Variants in DCUN1D4 observed in about 807,000 individuals in gnomAD.
DCUN1D4 encodes the protein defective in cullin neddylation 1 domain containing 4.
In DCUN1D4, 22 loss-of-function variants were observed where a neutral mutation model predicts 47.9. The ratio of observed to expected loss-of-function variants is 0.46; its 90% CI spans 0.33 to 0.66. The LOEUF (loss-of-function observed/expected upper bound fraction) is 0.66. Among genes scored for constraint, DCUN1D4 ranks in the 30% least tolerant of loss-of-function variants. The probability of loss-of-function intolerance (pLI) is 0.02; values close to 1 mark genes in which losing one functional copy is unlikely to be tolerated. For missense variants in DCUN1D4, 301 were observed against 340.8 expected, an observed-to-expected ratio of 0.88 and a Z score of 0.92; for synonymous variants, 121 against 112.2, an observed-to-expected ratio of 1.08 and a Z score of -0.50.
intron 1 of DCUN1D4, among the ~76,000 whole-genome samples, chr4:51,856,453 T>G (rs555070183): frequency 6.6e-6 from 1 of 152,346 alleles, no homozygotes; most frequent in South Asian, 2.1e-4. Flanking sequence ...TCAGCCAGTT[T>G]TAAAATTTTT....
At chr4:51,863,830 C>A in intron 3 of DCUN1D4, 121 bp downstream of exon 3, 1 of 1,080,816 alleles carries the variant, frequency 9.3e-7, no homozygotes, top group Non-Finnish European at 1.3e-6. Context: ...TGTTCCTTGG[C>A]TGAGGTTGTT....
rs1272855301 is a variant in DCUN1D4 at position 51,915,189 on chromosome 4, A to G, written c.*1605A>G. On this transcript the variant is annotated 3_prime_UTR_variant, in exon 11 of 11. Coordinates refer to ENST00000334635, the MANE Select transcript of DCUN1D4 (RefSeq NM_001040402.3). ...CTTTGCAAACAGTGTTCACATTTTC[A>G]TATTTTTTCCCTAACTAAACCACCA... The G allele has an allele frequency of 6.6e-6, 1 of 152,560 alleles. No individual in the cohort carries two copies. Among genetic ancestry groups the G allele is most frequent in the Non-Finnish European group, 1.5e-5 (1 of 68,008 alleles). 9.5% of individuals were successfully genotyped at this position (152,560 alleles called of 1,614,324 possible).
chr4:51,845,309 A>G, intron 1 of DCUN1D4: 1 of 982,474 alleles, frequency 1.0e-6, no homozygotes, highest in Non-Finnish European at 1.2e-6. Flanking sequence ...GTTTGAAAAA[A>G]TAACTGTCTT....
intron 3 of DCUN1D4, among the ~76,000 whole-genome samples, chr4:51,866,889 T>A (rs1726024550): frequency 6.6e-6 from 1 of 152,198 alleles, no homozygotes; most frequent in Non-Finnish European, 1.5e-5. Flanking sequence ...TGGTGGCACC[T>A]TCTGCCTGAG....
At chr4:51,898,021 A>G (rs1731529577) in intron 7 of DCUN1D4, among the ~76,000 whole-genome samples, 4 of 152,260 alleles carry the variant, frequency 2.6e-5, no homozygotes, top group African/African-American at 9.6e-5. Context: ...TCAGGCAGGT[A>G]TCACCAATGG....
At chr4:51,903,829 T>G (rs1732471849) in intron 8 of DCUN1D4, among the ~76,000 whole-genome samples, 1 of 152,232 alleles carries the variant, frequency 6.6e-6, no homozygotes, top group African/African-American at 2.4e-5. Context: ...AAAAGTTCCA[T>G]TTGGGTCTTG....
rs533881481 is a variant in DCUN1D4, at chr4:51,881,684, A to G, written c.343+3830A>G. On this transcript the variant is annotated intron_variant, in intron 5 of 10. Transcript: ENST00000334635. Reference sequence around the variant, plus strand: ...TTAAAAAAAAAAAAAAAAACAAGAAAAAAAAAACCTCTCTGTCTCAAACTT... The same window carrying G: ...TTAAAAAAAAAAAAAAAAACAAGAAGAAAAAAACCTCTCTGTCTCAAACTT... Among the ~76,000 whole-genome samples, 9 of 151,948 alleles carry G rather than the reference A, an allele frequency of 5.9e-5. No individual in the cohort carries two copies. In the East Asian group the frequency reaches 1.2e-3, roughly 20 times the overall value.
chr4:51,851,656 A>G (rs912916863), intron 1 of DCUN1D4, among the ~76,000 whole-genome samples: 4 of 152,112 alleles, frequency 2.6e-5, no homozygotes, highest in African/African-American at 7.2e-5. Context: ...GAGAAGTCCC[A>G]GGTGGGGCAC....
At chr4:51,835,760 G>A in the DCUN1D4 span, among the ~76,000 whole-genome samples, 1 of 152,160 alleles carries the variant, frequency 6.6e-6, no homozygotes, top group Admixed American at 6.5e-5. Context: ...GGAAGACTGT[G>A]GGTGGGGGTA....
At chr4:51,852,414 T>G (rs1399251489) in intron 1 of DCUN1D4, among the ~76,000 whole-genome samples, 2 of 152,242 alleles carry the variant, frequency 1.3e-5, no homozygotes, top group African/African-American at 2.4e-5. Flanking sequence ...AAATTATTTT[T>G]ATTTTTTTTC....
At chr4:51,839,164 A>AGAAG (rs1236599344), upstream of DCUN1D4, among the ~76,000 whole-genome samples, 4 of 145,872 alleles carry the variant, frequency 2.7e-5, no homozygotes, top group Non-Finnish European at 6.0e-5. Flanking sequence ...GGAAGGAAGG[A>AGAAG]GAAGGAAGGA....
intron 8 of DCUN1D4, among the ~76,000 whole-genome samples, chr4:51,904,846 A>G (rs1732640125): frequency 2.0e-5 from 3 of 152,196 alleles, no homozygotes; most frequent in African/African-American, 7.2e-5. Context: ...TCCTGGAGGT[A>G]AAACTCAATT....
At chr4:51,866,308 T>C (rs1725890419) in intron 3 of DCUN1D4, among the ~76,000 whole-genome samples, 1 of 152,178 alleles carries the variant, frequency 6.6e-6, no homozygotes, top group Non-Finnish European at 1.5e-5. Context: ...CACCCCTAGG[T>C]TCCATCCCCC....
intron 4 of DCUN1D4, among the ~76,000 whole-genome samples, chr4:51,876,111 G>T (rs930414372): frequency 6.6e-6 from 1 of 152,066 alleles, no homozygotes; most frequent in African/African-American, 2.4e-5. Flanking sequence ...GGCATATACT[G>T]ATAATCGGGT....
At chr4:51,847,671 G>A (rs1722766171) in intron 1 of DCUN1D4, among the ~76,000 whole-genome samples, 1 of 151,450 alleles carries the variant, frequency 6.6e-6, no homozygotes, top group African/African-American at 2.4e-5. Context: ...GCCTAGGCTG[G>A]ACTCGAACTC....
intron 1 of DCUN1D4, among the ~76,000 whole-genome samples, chr4:51,856,862 G>A (rs1275860799): frequency 5.3e-5 from 8 of 152,082 alleles, no homozygotes; most frequent in Non-Finnish European, 1.2e-4. Context: ...GGAAACACTT[G>A]CAGAAGATTC....
chr4:51,842,953 G>T, upstream of DCUN1D4: 1 of 914,540 alleles, frequency 1.1e-6, no homozygotes, highest in Non-Finnish European at 1.4e-6. Flanking sequence ...CATGGCCTCC[G>T]CCAGGGGCGT....
At chr4:51,867,578 C>T (rs529725065) in intron 3 of DCUN1D4, among the ~76,000 whole-genome samples, 50 of 152,136 alleles carry the variant, frequency 3.3e-4, no homozygotes, top group Non-Finnish European at 5.9e-4. Context: ...GTGCAGCCCT[C>T]GGTGGAGAGG....
At chr4:51,896,043 T>C (rs983098554) in intron 7 of DCUN1D4, among the ~76,000 whole-genome samples, 7 of 152,148 alleles carry the variant, frequency 4.6e-5, no homozygotes, top group East Asian at 1.9e-4. Flanking sequence ...TGTTTCACTA[T>C]TGGGGGCCAG....
Sources: gnomAD v4.1 joint callset for allele counts (sites outside exome capture counted in the v4.1 genomes callset) on GRCh38, gnomAD v4.1.1 for gene constraint, MANE v1.5 for transcripts, NCBI Gene and HGNC (gene_info 2026-07-23, HGNC 2026-07-21) for gene names.